The following SLC25A21 variants were observed in gnomAD, a reference collection of about 807,000 sequenced individuals.
SLC25A21 encodes mitochondrial 2-oxodicarboxylate carrier.
In SLC25A21, 47 loss-of-function variants were observed where a neutral mutation model predicts 43.8. That is an observed-to-expected ratio of 1.07 (90% CI 0.85 to 1.37). The LOEUF (loss-of-function observed/expected upper bound fraction) is 1.37, where lower values mean the gene tolerates loss of function less well. SLC25A21 is among the 40% of genes most tolerant of loss of function. The pLI, the probability that SLC25A21 is intolerant of heterozygous loss-of-function variation, is 0.00. For missense variants in SLC25A21, 352 were observed against 350.2 expected (o/e 1.00, Z -0.04); for synonymous variants, 131 against 121.3 (o/e 1.08, Z -0.52).
intron 1 of SLC25A21, among the ~76,000 whole-genome samples, chr14:37,042,322 G>T (rs1961490965): frequency 6.6e-6 from 1 of 152,146 alleles, no homozygotes; most frequent in South Asian, 2.1e-4. Flanking sequence ...TCTTTTATTT[G>T]ATATCATCAA....
At chr14:36,751,607 C>G (rs1885711422) in intron 3 of SLC25A21, among the ~76,000 whole-genome samples, 1 of 152,226 alleles carries the variant, frequency 6.6e-6, no homozygotes, top group African/African-American at 2.4e-5. Flanking sequence ...CCACAATCCT[C>G]AGATATAATC....
Position 37,108,063 on chromosome 14 carries a change from C to T in SLC25A21, c.70+64218G>A, listed in dbSNP as rs548077310. Among the ~76,000 whole-genome samples, 4 of 152,258 alleles carry T rather than the reference C, an allele frequency of 2.6e-5. No homozygotes were observed. In the South Asian group the frequency reaches 6.2e-4, roughly 24 times the overall value. On this transcript the variant is annotated intron_variant, in intron 1 of 9. Coordinates refer to ENST00000331299, the MANE Select transcript of SLC25A21 (RefSeq NM_030631.4). ...CATGGGCAAGGCTCTTAAGCCTTGT[C>T]GTCCATAATTCTCCCACCTGTGAAA...
chr14:36,848,039 G>C (rs550738634), intron 2 of SLC25A21, among the ~76,000 whole-genome samples: 3 of 152,254 alleles, frequency 2.0e-5, no homozygotes, highest in Admixed American at 2.0e-4. Context: ...GAATGGCGTG[G>C]TGACCAACAG....
intron 1 of SLC25A21, among the ~76,000 whole-genome samples, chr14:37,108,738 T>C (rs74045498): frequency 0.056 from 8,076 of 144,772 alleles, 399 homozygotes; most frequent in African/African-American, 0.14. Context: ...TGTGTGTGTG[T>C]GCGTGTGTGT....
At chr14:36,950,066 T>C (rs1892770114) in intron 1 of SLC25A21, among the ~76,000 whole-genome samples, 1 of 152,216 alleles carries the variant, frequency 6.6e-6, no homozygotes, top group Non-Finnish European at 1.5e-5. Context: ...TTAAATACTG[T>C]AAATGCTGTT....
intron 3 of SLC25A21, among the ~76,000 whole-genome samples, chr14:36,767,600 A>T (rs1425474841): frequency 6.6e-6 from 1 of 152,244 alleles, no homozygotes; most frequent in African/African-American, 2.4e-5. Context: ...AATCTTGAAA[A>T]GTTGGAGTGA....
intron 1 of SLC25A21, among the ~76,000 whole-genome samples, chr14:37,017,929 A>C (rs1960898751): frequency 6.6e-6 from 1 of 152,000 alleles, no homozygotes; most frequent in Admixed American, 6.6e-5. Context: ...TAATGGTGCA[A>C]TCCCTTTCAT....
At chr14:37,161,956 C>T (rs1202791530) in intron 1 of SLC25A21, among the ~76,000 whole-genome samples, 2 of 85,734 alleles carry the variant, frequency 2.3e-5, no homozygotes, top group African/African-American at 8.8e-5. Context: ...GAGCGAGACT[C>T]CGTCTCAAAA....
chr14:37,158,711 T>A lies in SLC25A21; in HGVS notation c.70+13570A>T, dbSNP rs76684108. ...CCACTTTTACAACTCCTATCCAACA[T>A]AGTACTGGAAGTCCTAACCGAAGCA... On this transcript the variant is annotated intron_variant, in intron 1 of 9. Coordinates refer to ENST00000331299, the MANE Select transcript of SLC25A21 (RefSeq NM_030631.4). Among the ~76,000 whole-genome samples, 210 of 152,202 alleles carry A rather than the reference T, an allele frequency of 1.4e-3. 5 individuals are homozygous for A. In the East Asian group the frequency reaches 0.033, roughly 24 times the overall value.
chr14:37,042,040 G>A (rs1258829359), intron 1 of SLC25A21, among the ~76,000 whole-genome samples: 3 of 152,174 alleles, frequency 2.0e-5, no homozygotes, highest in Non-Finnish European at 4.4e-5. Context: ...TAGGAAAAGT[G>A]CTTCCCGTGT....
At chr14:36,689,237 G>T (rs766309998) in intron 7 of SLC25A21, among the ~76,000 whole-genome samples, 1 of 152,150 alleles carries the variant, frequency 6.6e-6, no homozygotes, top group Admixed American at 6.5e-5. Context: ...CAGCCTTCAT[G>T]AAACCCATTC....
chr14:36,853,027 A>G (rs1373656639), intron 2 of SLC25A21, among the ~76,000 whole-genome samples: 1 of 152,146 alleles, frequency 6.6e-6, no homozygotes, highest in Non-Finnish European at 1.5e-5. Flanking sequence ...GAAAACCAGG[A>G]GTGCTTGCAA....
intron 1 of SLC25A21, among the ~76,000 whole-genome samples, chr14:37,100,731 A>G (rs1469690679): frequency 2.2e-4 from 33 of 152,216 alleles, no homozygotes; most frequent in Admixed American, 2.2e-3. Context: ...GCACATGGAG[A>G]CAGCACAATG....
chr14:37,053,695 T>C (rs187087634), intron 1 of SLC25A21, among the ~76,000 whole-genome samples: 2 of 152,274 alleles, frequency 1.3e-5, no homozygotes, highest in East Asian at 1.9e-4. Flanking sequence ...AAACCTGAAA[T>C]AGTTTGTTAT....
At chr14:37,095,909 C>T (rs1962684504) in intron 1 of SLC25A21, among the ~76,000 whole-genome samples, 2 of 151,834 alleles carry the variant, frequency 1.3e-5, no homozygotes, top group African/African-American at 4.8e-5. Flanking sequence ...ACATCATGGG[C>T]CTCAGGTTGT....
Position 36,830,763 on chromosome 14 carries a change from C to T in SLC25A21, c.120-16762G>A, listed in dbSNP as rs184645975. On this transcript the variant is annotated intron_variant, in intron 2 of 9. Coordinates refer to ENST00000331299, the MANE Select transcript of SLC25A21 (RefSeq NM_030631.4). ...ATAGAAACCCACATCATCCCCTCCT[C>T]AATATCCCATATTACCAATTTCATG... Among the ~76,000 whole-genome samples, 30 of 152,262 alleles carry T rather than the reference C, an allele frequency of 2.0e-4. 1 individual carries two copies. In the East Asian group the frequency reaches 5.0e-3, roughly 26 times the overall value.
chr14:37,022,965 CT>C (rs1369243267), intron 1 of SLC25A21, among the ~76,000 whole-genome samples: 1 of 151,974 alleles, frequency 6.6e-6, no homozygotes, highest in Non-Finnish European at 1.5e-5. Context: ...CCTAAGAAAA[CT>C]CTTGATGCAG....
At chr14:36,768,707 C>T (rs1184135385) in intron 3 of SLC25A21, among the ~76,000 whole-genome samples, 1 of 152,062 alleles carries the variant, frequency 6.6e-6, no homozygotes, top group African/African-American at 2.4e-5. Flanking sequence ...CAAAGTAATA[C>T]GGCAATGGAA....
chr14:36,809,738 A>C (rs1438105522), intron 3 of SLC25A21, among the ~76,000 whole-genome samples: 1 of 152,200 alleles, frequency 6.6e-6, no homozygotes, highest in African/African-American at 2.4e-5. Flanking sequence ...GAAAAGGACA[A>C]GCTCTCAAAA....
Sources: gnomAD v4.1 joint callset for allele counts (sites outside exome capture counted in the v4.1 genomes callset) on GRCh38, gnomAD v4.1.1 for gene constraint, MANE v1.5 for transcripts, NCBI Gene and HGNC (gene_info 2026-07-23, HGNC 2026-07-21) for gene names.